APOB: variants seen among roughly 807,000 people sequenced by gnomAD.
APOB encodes apolipoprotein B-100.
Under a neutral mutation model 314.1 loss-of-function variants are expected in APOB, and 153 were observed. That is an observed-to-expected ratio of 0.49 (90% CI 0.43 to 0.56). The LOEUF (loss-of-function observed/expected upper bound fraction) is 0.56, where lower values mean the gene tolerates loss of function less well. Among genes scored for constraint, APOB ranks in the 20% least tolerant of loss-of-function variants. The pLI is 0.00. For missense variants in APOB, 5,430 were observed against 5,350.7 expected, an observed-to-expected ratio of 1.01 and a Z score of -0.46; for synonymous variants, 2,087 against 2,036.4, an observed-to-expected ratio of 1.02 and a Z score of -0.67.
chr2:21,014,704 G>A (rs753993923), intron 23 of APOB, 111 bp from the exon 24 acceptor site: 21 of 1,088,432 alleles, frequency 1.9e-5, no homozygotes, highest in Non-Finnish European at 2.6e-5. Context: ...GCTGGACAAT[G>A]CACTGAAAGT....
chr2:21,027,962 G>C lies in APOB; in HGVS notation c.1933C>G (p.Leu645Val). 1 of 1,613,952 alleles carries C rather than the reference G, an allele frequency of 6.2e-7. No individual in the cohort carries two copies. The highest frequency in any genetic ancestry group is 1.1e-5 in the South Asian group (1 of 91,076). Reference protein sequence around the residue: ...RNYQLYKSVSLPSLDPASAKI... With the variant: ...RNYQLYKSVSVPSLDPASAKI... ...GCTGAGGCTGGGTCAAGTGATGGAA[G>C]AGAAACAGATTTGTAGAGTTGATAG... Residue 645 changes from leucine to valine, a missense_variant, in exon 14 of 29, where the codon CTT becomes GTT. Physicochemically the swap from Leu to Val is conservative, Grantham distance 32. Transcript: ENST00000233242.
At chr2:21,028,745 G>A (rs1663805439) in intron 12 of APOB, among the ~76,000 whole-genome samples, 1 of 152,218 alleles carries the variant, frequency 6.6e-6, no homozygotes, top group African/African-American at 2.4e-5. Flanking sequence ...CCTGTGGAAT[G>A]CCTGTTGAAT....
In APOB at chr2:21,016,983, C is replaced by CA. The variant is rs376000502; in HGVS notation, c.3122-335dup. 2.5e-3 allele frequency among the ~76,000 whole-genome samples: 263 copies of CA among 104,402 alleles called. 2 individuals are homozygous for CA. The highest frequency in any genetic ancestry group is 0.011 in the Middle Eastern group (2 of 178). The allele number at this position is 104,402 out of a possible 152,430, so 68.5% of individuals were successfully genotyped here. ...TGGGCAAAAGAGCGAGACTCCATCT[C>CA]AAAAAATAAATAAATAAATAAATAA... On this transcript the variant is annotated intron_variant, in intron 20 of 28. Coordinates refer to ENST00000233242, the MANE Select transcript of APOB (RefSeq NM_000384.3).
Position 21,007,529 on chromosome 2 carries a change from G to A in APOB, c.9339C>T (p.Ala3113=), listed in dbSNP as rs765319608. The A allele has an allele frequency of 1.9e-5, 30 of 1,613,876 alleles. No homozygotes were observed. The South Asian group carries it at 3.0e-4, about 16-fold the overall frequency. The change falls in exon 26 of 29, where the codon GCC becomes GCT. Residue 3113 remains alanine (A), a synonymous_variant. Coordinates refer to ENST00000233242, the MANE Select transcript of APOB (RefSeq NM_000384.3). ...SAGNNENIME[A]HVGINGEANL... Reference sequence around the variant, plus strand: ...TTGCTTCTCCATTTATTCCTACATGGGCCTCCATAATGTTCTCGTTGTTTC... The same window carrying A: ...TTGCTTCTCCATTTATTCCTACATGAGCCTCCATAATGTTCTCGTTGTTTC...
chr2:21,027,909 A>G lies in APOB; in HGVS notation c.1986T>C (p.Asp662=). ...SAKIEGNLIF[D]PNNYLPKESM... is the part of the protein sequence containing the mutation. ...TTTCTTTAGGAAGGTAGTTATTTGGATCAAATATAAGATTCCCTTCTATTT... is the reference window on the plus strand; with the variant it reads ...TTTCTTTAGGAAGGTAGTTATTTGGGTCAAATATAAGATTCCCTTCTATTT... Residue 662 remains aspartate, a synonymous_variant, in exon 14 of 29, where the codon GAT becomes GAC. Coordinates refer to ENST00000233242, the MANE Select transcript of APOB (RefSeq NM_000384.3). 1 of 1,614,142 alleles carries G rather than the reference A, an allele frequency of 6.2e-7. No homozygotes were observed. The highest frequency in any genetic ancestry group is 1.1e-5 in the South Asian group (1 of 91,076).
In APOB at chr2:21,008,295, G is replaced by A. The variant is rs749458540; in HGVS notation, c.8573C>T (p.Ala2858Val). 1 of 1,613,444 alleles carries A rather than the reference G, an allele frequency of 6.2e-7. No homozygotes were observed. Among genetic ancestry groups the A allele is most frequent in the Admixed American group, 1.7e-5 (1 of 59,976 alleles). Reference protein sequence around the residue: ...NAIEGKSNTVASLHTEKNTLE... With the variant: ...NAIEGKSNTVVSLHTEKNTLE... ...TGTATTTTTTTCTGTGTGTAAACTT[G>A]CCACTGTGTTTGATTTTCCCTCAAT... Residue 2858 changes from alanine to valine, a missense_variant, in exon 26 of 29, where the codon GCA becomes GTA. Coordinates refer to ENST00000233242, the MANE Select transcript of APOB (RefSeq NM_000384.3).
chr2:21,002,646 T>C lies in APOB; in HGVS notation c.12776A>G (p.Lys4259Arg). 1.9e-6 allele frequency: 3 copies of C among 1,613,934 alleles called. No individual in the cohort carries two copies. Among genetic ancestry groups the C allele is most frequent in the Non-Finnish European group, 2.5e-6 (3 of 1,179,896 alleles). Residue 4259 changes from lysine (K) to arginine (R), a missense_variant, in exon 29 of 29, where the codon AAA becomes AGA. Coordinates refer to ENST00000233242, the MANE Select transcript of APOB (RefSeq NM_000384.3). ...LVITLPFELR[K>R]HKLIDVISMY... Reference sequence around the variant, plus strand: ...CGAGATTACATCTATTAGTTTATGTTTCCTTAACTCGAAAGGAAGTGTAAT... The same window carrying C: ...CGAGATTACATCTATTAGTTTATGTCTCCTTAACTCGAAAGGAAGTGTAAT...
chr2:21,017,153 A>C (rs1178527761), intron 20 of APOB, among the ~76,000 whole-genome samples: 1 of 151,560 alleles, frequency 6.6e-6, no homozygotes, highest in Non-Finnish European at 1.5e-5. Flanking sequence ...TTTTTTTCTC[A>C]TTAAAATTTT....
At chr2:21,003,461 A>G in intron 28 of APOB, 127 bp from the exon 29 acceptor site, 1 of 838,006 alleles carries the variant, frequency 1.2e-6, no homozygotes, top group Non-Finnish European at 1.9e-6. Context: ...AAAGGGATTT[A>G]TCTTTCATAT....
At chr2:21,014,991 AC>A in intron 23 of APOB, 81 bp downstream of exon 23, 2 of 1,409,798 alleles carry the variant, frequency 1.4e-6, no homozygotes, top group Non-Finnish European at 2.0e-6. Context: ...ATCTTTGGAA[AC>A]CTTCCTGCAC....
Position 21,005,068 on chromosome 2 carries a change from G to A in APOB, c.11788+12C>T. 1 of 1,613,202 alleles carries A rather than the reference G, an allele frequency of 6.2e-7. No individual in the cohort carries two copies. The highest frequency in any genetic ancestry group is 1.1e-5 in the South Asian group (1 of 91,046). On this transcript the variant is annotated intron_variant, in intron 26 of 28. Coordinates refer to ENST00000233242, the MANE Select transcript of APOB (RefSeq NM_000384.3). Reference sequence around the variant, plus strand: ...ATACAGTATCTAGGAGAGGAGGCAGGATATTTCTTACCATTTAGTTCATAT... The same window carrying A: ...ATACAGTATCTAGGAGAGGAGGCAGAATATTTCTTACCATTTAGTTCATAT...
At chr2:21,023,894 T>C in intron 16 of APOB, 1 of 477,574 alleles carries the variant, frequency 2.1e-6, no homozygotes, top group Non-Finnish European at 3.6e-6. Flanking sequence ...TATAAGAAAT[T>C]TCACTAGATA....
In APOB at chr2:21,003,443, A is replaced by T. The variant is rs905830443; in HGVS notation, c.12088-109T>A. 2.2e-5 allele frequency: 21 copies of T among 972,862 alleles called. 1 individual carries two copies. The South Asian group carries it at 2.8e-4, about 13-fold the overall frequency. The allele number at this position is 972,862 out of a possible 1,614,324, so 60.3% of individuals were successfully genotyped here. On this transcript the variant is annotated intron_variant, in intron 28 of 28. Coordinates refer to ENST00000233242, the MANE Select transcript of APOB (RefSeq NM_000384.3). ...AAAAATAAAGATCAGAGAATCTTTC[A>T]TATACTGAAAGGGATTTATCTTTCA...
chr2:21,026,932 T>C lies in APOB; in HGVS notation c.2100A>G (p.Thr700=). 1 of 1,614,202 alleles carries C rather than the reference T, an allele frequency of 6.2e-7. No individual in the cohort carries two copies. The highest frequency in any genetic ancestry group is 8.5e-7 in the Non-Finnish European group (1 of 1,180,046). ...CTTGCTTCCCAAAAAGAGCTTCCAA[T>C]GTTGGCTCAAAGCCTTTTCCTTCCA... The part of the protein sequence containing the change: ...IGLEGKGFEP[T]LEALFGKQGF... The change falls in exon 15 of 29, where the codon ACA becomes ACG. Residue 700 remains threonine (T), a synonymous_variant. Transcript: ENST00000233242.
In APOB at chr2:21,015,179, A is replaced by G. The variant is rs745670004; in HGVS notation, c.3590T>C (p.Leu1197Pro). 1.2e-5 allele frequency: 19 copies of G among 1,614,180 alleles called. No individual in the cohort carries two copies. The highest frequency in any genetic ancestry group is 3.3e-5 in the South Asian group (3 of 91,090). The change falls in exon 23 of 29, where the codon CTC becomes CCC. Residue 1197 changes from leucine to proline, a missense_variant. Around this residue, in one of 3 missense-constraint regions of APOB, gnomAD observed 2,085 missense variants for 2,079.7 expected, o/e 1.00. Coordinates refer to ENST00000233242, the MANE Select transcript of APOB (RefSeq NM_000384.3). ...ATGCAAGCTCTTAGGATAATCGGAGAGATCCACAGGGAAATTGGAAGTCAT... is the reference window on the plus strand; with the variant it reads ...ATGCAAGCTCTTAGGATAATCGGAGGGATCCACAGGGAAATTGGAAGTCAT... The part of the protein sequence containing the change: ...KKMTSNFPVD[L>P]SDYPKSLHMY...
In APOB at chr2:21,008,888, G is replaced by A. The variant is rs765710475; in HGVS notation, c.7980C>T (p.Ser2660=). ...TCATTTCTACAAAGTCAATTGTAAAGGAAGGAATGTGGAAGGTGTTAAGGA... is the reference window on the plus strand; with the variant it reads ...TCATTTCTACAAAGTCAATTGTAAAAGAAGGAATGTGGAAGGTGTTAAGGA... ...FTILNTFHIP[S]FTIDFVEMKV... is the part of the protein sequence containing the mutation. The change falls in exon 26 of 29, where the codon TCC becomes TCT. Residue 2660 remains serine, a synonymous_variant. Coordinates refer to ENST00000233242, the MANE Select transcript of APOB (RefSeq NM_000384.3). The A allele has an allele frequency of 1.2e-6, 2 of 1,613,958 alleles. No individual in the cohort carries two copies. The highest frequency in any genetic ancestry group is 2.7e-5 in the African/African-American group (2 of 74,926).
intron 13 of APOB, 68 bp from the exon 14 acceptor site, chr2:21,028,133 G>C: frequency 7.9e-7 from 1 of 1,266,434 alleles, no homozygotes; most frequent in Non-Finnish European, 1.2e-6. Flanking sequence ...TGCACCCCAA[G>C]TAAATATGGA....
At position 21,002,810 on chromosome 2, in the gene APOB, A is replaced by C. The variant is rs766149220; in HGVS notation, c.12612T>G (p.Phe4204Leu). The C allele has an allele frequency of 6.2e-7, 1 of 1,611,006 alleles. No homozygotes were observed. The highest frequency in any genetic ancestry group is 1.1e-5 in the South Asian group (1 of 90,580). Reference sequence around the variant, plus strand: ...TAGTGTATATCCCAGGTTTCCCCGGAAACTGGAATCTGGGGAAGTTCAGAA... The same window carrying C: ...TAGTGTATATCCCAGGTTTCCCCGGCAACTGGAATCTGGGGAAGTTCAGAA... ...IDFLNFPRFQ[F>L]PGKPGIYTRE... The change falls in exon 29 of 29, where the codon TTT becomes TTG. Residue 4204 changes from phenylalanine to leucine, a missense_variant. Around this residue, in one of 3 missense-constraint regions of APOB, gnomAD observed 3,281 missense variants for 3,171.0 expected, o/e 1.03. Transcript: ENST00000233242.
intron 13 of APOB, 47 bp downstream of exon 13, chr2:21,028,280 C>T: frequency 6.6e-7 from 1 of 1,524,016 alleles, no homozygotes; most frequent in Non-Finnish European, 9.1e-7. Flanking sequence ...GTTGGAATTC[C>T]AGCTCAGGGC....
Sources: gnomAD v4.1 joint callset for allele counts (sites outside exome capture counted in the v4.1 genomes callset) on GRCh38, gnomAD v4.1.1 for gene constraint, gnomAD v4.1.1 regional missense constraint, MANE v1.5 for transcripts, NCBI Gene and HGNC (gene_info 2026-07-23, HGNC 2026-07-21) for gene names.